The following ITIH5 variants were observed in gnomAD, a reference collection of about 807,000 sequenced individuals.
The protein encoded by ITIH5 is inter-alpha-trypsin inhibitor heavy chain H5.
ITIH5 carries 65 observed loss-of-function variants against 77.5 expected under a neutral mutation model. The ratio of observed to expected loss-of-function variants is 0.84; its 90% confidence interval spans 0.69 to 1.03. The LOEUF (loss-of-function observed/expected upper bound fraction) is 1.03. ITIH5 is among the 50% of genes least tolerant of loss of function. ITIH5 has a pLI of 0.00. For missense variants in ITIH5, 1,208 were observed against 1,213.1 expected (o/e 1.00, Z 0.06); for synonymous variants, 525 against 494.3 (o/e 1.06, Z -0.82).
At chr10:7,633,095 G>A (rs770705538) in intron 5 of ITIH5, among the ~76,000 whole-genome samples, 4 of 152,122 alleles carry the variant, frequency 2.6e-5, no homozygotes, top group Non-Finnish European at 5.9e-5. Context: ...TCAGGAAAGC[G>A]TTCATTTCAA....
At chr10:7,629,420 AGCGTGTGTCCGTGTTGTG>A in intron 5 of ITIH5, among the ~76,000 whole-genome samples, 1 of 148,652 alleles carries the variant, frequency 6.7e-6, no homozygotes, top group Non-Finnish European at 1.5e-5. Context: ...TCCATGTTGT[AGCGTGTGTCCGTGTTGTG>A]GCATGCATCC....
At chr10:7,659,611 T>G (rs1288843050) in intron 1 of ITIH5, among the ~76,000 whole-genome samples, 1 of 152,180 alleles carries the variant, frequency 6.6e-6, no homozygotes, top group Non-Finnish European at 1.5e-5. Context: ...TTAAGTTCCC[T>G]GATTGATCTA....
intron 7 of ITIH5, among the ~76,000 whole-genome samples, chr10:7,608,215 T>C (rs1833170699): frequency 6.6e-6 from 1 of 152,208 alleles, no homozygotes; most frequent in African/African-American, 2.4e-5. Context: ...GTCCCGCAGC[T>C]CATGCTGAGC....
intron 7 of ITIH5, among the ~76,000 whole-genome samples, chr10:7,605,789 A>T (rs950033074): frequency 4.6e-5 from 5 of 107,826 alleles, no homozygotes; most frequent in African/African-American, 1.6e-4. Context: ...ATTCTCTTTG[A>T]CTTGTAGTGT....
chr10:7,641,800 C>A (rs1304988999), intron 3 of ITIH5, 127 bp downstream of exon 3: 6 of 625,498 alleles, frequency 9.6e-6, no homozygotes, highest in East Asian at 5.7e-5. Flanking sequence ...AAGAATTGAC[C>A]TTCTGATCTA....
chr10:7,658,753 T>G (rs1374350003), intron 1 of ITIH5, among the ~76,000 whole-genome samples: 2 of 152,164 alleles, frequency 1.3e-5, no homozygotes, highest in Non-Finnish European at 2.9e-5. Flanking sequence ...AAGAAATCTC[T>G]GGGTTATAAT....
At chr10:7,569,114 T>C (rs113197559) in intron 12 of ITIH5, 1,673 of 143,532 alleles carry the variant, frequency 0.012, 25 homozygotes, top group South Asian at 0.062. Context: ...CCTCCCAGGT[T>C]CAAGCGATTC....
In ITIH5 at chr10:7,576,928, G is replaced by A. The variant is rs752160038; in HGVS notation, c.1503C>T (p.Thr501=). Residue 501 remains threonine, a synonymous_variant, in exon 10 of 14, where the codon ACC becomes ACT. Coordinates refer to ENST00000397146, the MANE Select transcript of ITIH5 (RefSeq NM_030569.7). ...AGCCGTTGAAGTAGTTGGGGAACAG[G>A]GTCTTGGTGGCCTGCACCACTGAGC... The part of the protein sequence containing the change: ...PPSSVVQATK[T]LFPNYFNGSE... 1.2e-6 allele frequency: 2 copies of A among 1,614,178 alleles called. No individual in the cohort carries two copies. Among genetic ancestry groups the A allele is most frequent in the Admixed American group, 1.7e-5 (1 of 60,020 alleles).
In ITIH5 at chr10:7,559,349, G is replaced by C. The variant is rs80334034; in HGVS notation, c.*3734C>G. On this transcript the variant is annotated 3_prime_UTR_variant, in exon 14 of 14. Coordinates refer to ENST00000397146, the MANE Select transcript of ITIH5 (RefSeq NM_030569.7). Reference sequence around the variant, plus strand: ...AGAAAAATAAACAGACCAATATGTTGTTTGTTTTTATGCATCGTTCTCTTA... The same window carrying C: ...AGAAAAATAAACAGACCAATATGTTCTTTGTTTTTATGCATCGTTCTCTTA... 7,241 of 151,772 alleles carry C rather than the reference G, an allele frequency of 0.048. 557 individuals carry two copies. Among genetic ancestry groups the C allele is most frequent in the African/African-American group, 0.16 (6,750 of 41,044 alleles). The allele number at this position is 151,772 out of a possible 1,614,324, so 9.4% of individuals were successfully genotyped here.
intron 7 of ITIH5, among the ~76,000 whole-genome samples, chr10:7,608,535 G>A (rs182973610): frequency 1.3e-5 from 2 of 152,190 alleles, no homozygotes; most frequent in East Asian, 1.9e-4. Flanking sequence ...CTCCCACCTC[G>A]GCCTCTCAAA....
rs200798790 is a variant in ITIH5 at position 7,573,185 on chromosome 10, G to A, written c.1989C>T (p.Leu663=). Residue 663 remains leucine (L), a synonymous_variant, in exon 11 of 14, where the codon CTC becomes CTT. Transcript: ENST00000397146. ...RGAGTQPGPL[L]KKPYQPRIKI... The stretch of plus-strand genomic sequence containing the variant: ...TAATTCTTGGCTGGTATGGCTTCTT[G>A]AGCAAAGGTCCTAAAAGGGAGAAGG... 1.2e-6 allele frequency: 2 copies of A among 1,613,218 alleles called. No individual in the cohort carries two copies. Among genetic ancestry groups the A allele is most frequent in the Non-Finnish European group, 1.7e-6 (2 of 1,179,340 alleles).
chr10:7,595,718 G>A lies in ITIH5; in HGVS notation c.940-9649C>T, dbSNP rs543741085. Among the ~76,000 whole-genome samples, 5 of 152,252 alleles carry A rather than the reference G, an allele frequency of 3.3e-5. No homozygotes were observed. In the South Asian group the frequency reaches 1.0e-3, roughly 32 times the overall value. ...GGCACAAGGCAGGACATAAATATAA[G>A]TAAACTCTGGCCGGGTGTGGTGGCT... On this transcript the variant is annotated intron_variant, in intron 7 of 13. Transcript: ENST00000397146.
At chr10:7,585,138 G>A (rs1278238483) in intron 8 of ITIH5, among the ~76,000 whole-genome samples, 1 of 152,204 alleles carries the variant, frequency 6.6e-6, no homozygotes, top group East Asian at 1.9e-4. Flanking sequence ...CTGAAAGGAA[G>A]GGGGAGGGAG....
chr10:7,630,113 T>G (rs1833689181), intron 5 of ITIH5, among the ~76,000 whole-genome samples: 1 of 152,232 alleles, frequency 6.6e-6, no homozygotes, highest in Non-Finnish European at 1.5e-5. Context: ...ACTCAACAGG[T>G]GTAGTCGTAT....
rs577061028 is a variant in ITIH5 at position 7,612,862 on chromosome 10, A to G, written c.939+3120T>C. 1.2e-4 allele frequency among the ~76,000 whole-genome samples: 19 copies of G among 152,324 alleles called. No individual in the cohort carries two copies. In the South Asian group the frequency reaches 2.1e-3, roughly 17 times the overall value. ...ATTCTGTGATCCACAGTGGTCTTAA[A>G]AGAAGCCATGGTTATTCTTCTGTCA... On this transcript the variant is annotated intron_variant, in intron 7 of 13. Coordinates refer to ENST00000397146, the MANE Select transcript of ITIH5 (RefSeq NM_030569.7).
intron 1 of ITIH5, among the ~76,000 whole-genome samples, chr10:7,665,679 A>G (rs1834350138): frequency 1.3e-5 from 2 of 152,224 alleles, no homozygotes; most frequent in Admixed American, 6.5e-5. Flanking sequence ...GTTTGCTCAA[A>G]AAGAGCCGCA....
rs748473560 is a variant in ITIH5 at position 7,569,758 on chromosome 10, C to T, written c.2059G>A (p.Asp687Asn). 3 of 1,610,182 alleles carry T rather than the reference C, an allele frequency of 1.9e-6. No individual in the cohort carries two copies. Among genetic ancestry groups the T allele is most frequent in the Non-Finnish European group, 8.5e-7 (1 of 1,178,618 alleles). ...ACGGTGAGTCTGCTCAGGGGGAAAT[C>T]CACAACAAAGTGGGGATCACCATCC... Reference protein sequence around the residue: ...SVDGDPHFVVDFPLSRLTVCF... With the variant: ...SVDGDPHFVVNFPLSRLTVCF... Residue 687 changes from aspartate to asparagine, a missense_variant, in exon 12 of 14, where the codon GAT becomes AAT. Coordinates refer to ENST00000397146, the MANE Select transcript of ITIH5 (RefSeq NM_030569.7).
At chr10:7,585,144 G>C (rs1312082348) in intron 8 of ITIH5, among the ~76,000 whole-genome samples, 5 of 152,208 alleles carry the variant, frequency 3.3e-5, no homozygotes, top group African/African-American at 1.2e-4. Context: ...GGAAGGGGGA[G>C]GGAGTAGGTC....
In ITIH5 at chr10:7,561,067, G is replaced by A. The variant is rs980509166; in HGVS notation, c.*2016C>T. 4.2e-5 allele frequency: 6 copies of A among 141,886 alleles called. No individual in the cohort carries two copies. The highest frequency in any genetic ancestry group is 7.7e-5 in the Non-Finnish European group (5 of 65,256). 8.8% of individuals were successfully genotyped at this position (141,886 alleles called of 1,614,324 possible). A position where few individuals can be genotyped will look rare whatever the true frequency, so the allele number is the denominator to read the frequency against. On this transcript the variant is annotated 3_prime_UTR_variant, in exon 14 of 14. Coordinates refer to ENST00000397146, the MANE Select transcript of ITIH5 (RefSeq NM_030569.7). ...TGAAAAAAAAAAAAAAGATCTACACGTAAAGAAGAGGAAGAAAAAAGGTGA... is the reference window on the plus strand; with the variant it reads ...TGAAAAAAAAAAAAAAGATCTACACATAAAGAAGAGGAAGAAAAAAGGTGA...
Sources: allele counts gnomAD v4.1 joint callset (sites outside exome capture counted in the v4.1 genomes callset), GRCh38; gene constraint gnomAD v4.1.1; transcripts MANE v1.5; gene names NCBI Gene and HGNC (gene_info 2026-07-23, HGNC 2026-07-21).